Variants in LIMA1 observed in about 807,000 individuals in gnomAD.
LIMA1 encodes the protein LIM domain and actin-binding protein 1.
In LIMA1, 52 loss-of-function variants were observed where a neutral mutation model predicts 62.6. The observed-to-expected ratio is 0.83, with a 90% confidence interval of 0.67 to 1.05. LIMA1 has a LOEUF of 1.05. Among genes scored for constraint, LIMA1 ranks in the 50% least tolerant of loss-of-function variants. LIMA1 has a pLI of 0.00. For synonymous variants in LIMA1, 302 were observed against 317.8 expected (o/e 0.95, Z 0.53); for missense variants, 780 against 902.2 (o/e 0.86, Z 1.74).
chr12:50,204,503 C>A (rs1226831960), intron 6 of LIMA1, 49 bp downstream of exon 6: 1 of 1,579,444 alleles, frequency 6.3e-7, no homozygotes, highest in African/African-American at 1.3e-5. Context: ...CAGTGACCAT[C>A]TGCTGGATGA....
At chr12:50,275,290 C>A (rs917354513) in intron 1 of LIMA1, among the ~76,000 whole-genome samples, 1 of 152,096 alleles carries the variant, frequency 6.6e-6, no homozygotes, top group African/African-American at 2.4e-5. Flanking sequence ...ATCACCTGAA[C>A]CCAGGAGGTG....
chr12:50,239,647 A>C (rs1052583177), intron 2 of LIMA1, among the ~76,000 whole-genome samples: 2 of 151,448 alleles, frequency 1.3e-5, no homozygotes, highest in South Asian at 4.2e-4. Context: ...CTCAAAAAAC[A>C]AACAAAAAAC....
chr12:50,231,760 C>T (rs530570291), intron 2 of LIMA1, 50 bp from the exon 3 acceptor site: 1 of 1,552,594 alleles, frequency 6.4e-7, no homozygotes, highest in Non-Finnish European at 8.9e-7. Flanking sequence ...TATATTTTTA[C>T]TCTTTCAATT....
At chr12:50,274,879 G>A (rs1175010709) in intron 1 of LIMA1, among the ~76,000 whole-genome samples, 1 of 152,102 alleles carries the variant, frequency 6.6e-6, no homozygotes, top group Admixed American at 6.6e-5. Flanking sequence ...AAGGCCCTGA[G>A]GAAGGAATAA....
intron 4 of LIMA1, among the ~76,000 whole-genome samples, chr12:50,217,269 GA>G (rs1941359498): frequency 6.6e-6 from 1 of 151,942 alleles, no homozygotes; most frequent in Admixed American, 6.6e-5. Context: ...ATTCCCTTCA[GA>G]AAAATCAAAG....
chr12:50,241,972 T>TTG (rs1941784268), intron 2 of LIMA1, among the ~76,000 whole-genome samples: 1 of 93,260 alleles, frequency 1.1e-5, no homozygotes, highest in Admixed American at 1.2e-4. Flanking sequence ...TTTTTTTTTT[T>TTG]GCGGTCCAGC....
chr12:50,269,617 C>T (rs527960911), intron 1 of LIMA1, among the ~76,000 whole-genome samples: 2 of 152,250 alleles, frequency 1.3e-5, no homozygotes, highest in African/African-American at 4.8e-5. Context: ...AAAGTTATCT[C>T]TCTTAAGGAT....
At chr12:50,255,284 G>A (rs1345310899) in intron 1 of LIMA1, among the ~76,000 whole-genome samples, 2 of 151,906 alleles carry the variant, frequency 1.3e-5, no homozygotes, top group Non-Finnish European at 2.9e-5. Context: ...GCCACATGTG[G>A]TGGCTCATGC....
At chr12:50,263,199 C>T (rs1942092858) in intron 1 of LIMA1, among the ~76,000 whole-genome samples, 1 of 152,070 alleles carries the variant, frequency 6.6e-6, no homozygotes, top group African/African-American at 2.4e-5. Context: ...AGATAAGAAG[C>T]TTAAAAAATA....
intron 1 of LIMA1, among the ~76,000 whole-genome samples, chr12:50,273,945 C>A (rs1014765622): frequency 6.6e-6 from 1 of 152,126 alleles, no homozygotes; most frequent in African/African-American, 2.4e-5. Context: ...GAGTAACAAT[C>A]TGGGAAGTAG....
At chr12:50,215,861 C>G (rs550832108) in intron 4 of LIMA1, among the ~76,000 whole-genome samples, 2 of 152,008 alleles carry the variant, frequency 1.3e-5, no homozygotes, top group African/African-American at 4.8e-5. Flanking sequence ...ACCAGCCTGG[C>G]CAACATGGCA....
chr12:50,193,546 CA>C (rs1565833147), intron 8 of LIMA1, among the ~76,000 whole-genome samples: 1 of 111,280 alleles, frequency 9.0e-6, no homozygotes, highest in Non-Finnish European at 1.7e-5. Context: ...TATATATATA[CA>C]TATATATCAT....
chr12:50,212,348 G>C (rs187778078), intron 4 of LIMA1, among the ~76,000 whole-genome samples: 1 of 152,318 alleles, frequency 6.6e-6, no homozygotes, highest in African/African-American at 2.4e-5. Flanking sequence ...AAGGGCAGAG[G>C]AAGGTTGGCT....
intron 1 of LIMA1, among the ~76,000 whole-genome samples, chr12:50,264,416 T>C (rs1942114108): frequency 1.3e-5 from 2 of 152,208 alleles, no homozygotes; most frequent in South Asian, 4.1e-4. Flanking sequence ...TGAAAATCAT[T>C]AGACTCGATG....
chr12:50,282,028 A>G (rs1942345227), intron 1 of LIMA1, among the ~76,000 whole-genome samples: 1 of 152,240 alleles, frequency 6.6e-6, no homozygotes, highest in African/African-American at 2.4e-5. Flanking sequence ...AAAGAATGAA[A>G]TAAGTTCCTA....
chr12:50,238,658 T>C (rs1409175793), intron 2 of LIMA1, among the ~76,000 whole-genome samples: 1 of 151,876 alleles, frequency 6.6e-6, no homozygotes, highest in Non-Finnish European at 1.5e-5. Flanking sequence ...CAGTCAAGAC[T>C]GGCCAACATG....
Position 50,177,019 on chromosome 12 carries a change from C to A in LIMA1, c.*45G>T, listed in dbSNP as rs760201311. 16 of 1,456,750 alleles carry A rather than the reference C, an allele frequency of 1.1e-5. No individual in the cohort carries two copies. Among genetic ancestry groups the A allele is most frequent in the Admixed American group, 2.5e-5 (1 of 40,610 alleles). The allele number at this position is 1,456,750 out of a possible 1,614,324, so 90.2% of individuals were successfully genotyped here. On this transcript the variant is annotated 3_prime_UTR_variant, in exon 11 of 11. Coordinates refer to ENST00000341247, the MANE Select transcript of LIMA1 (RefSeq NM_016357.5). ...CACATTTTGACAAAGGGCAGTGGCT[C>A]GCTAACACTAACATGAATTTAAGGC... is the stretch of plus-strand genomic sequence containing the variant.
At chr12:50,251,579 C>A (rs1347671617) in intron 1 of LIMA1, among the ~76,000 whole-genome samples, 1 of 148,802 alleles carries the variant, frequency 6.7e-6, no homozygotes, top group African/African-American at 2.5e-5. Context: ...TGAGATCATG[C>A]CACTGCACTC....
At chr12:50,236,734 C>CCACACACA (rs145408139) in intron 2 of LIMA1, among the ~76,000 whole-genome samples, 5 of 149,406 alleles carry the variant, frequency 3.3e-5, no homozygotes, top group African/African-American at 1.2e-4. Context: ...CTCCTTAAAA[C>CCACACACA]CACACACACA....
Sources: gnomAD v4.1 joint callset for allele counts (sites outside exome capture counted in the v4.1 genomes callset) on GRCh38, gnomAD v4.1.1 for gene constraint, MANE v1.5 for transcripts, NCBI Gene and HGNC (gene_info 2026-07-23, HGNC 2026-07-21) for gene names.